FBN1: variants seen among roughly 807,000 people sequenced by gnomAD.
FBN1 encodes fibrillin-1.
A neutral mutation model predicts 365.1 loss-of-function variants in FBN1; 29 were observed. That is an observed-to-expected ratio of 0.08 (90% CI 0.06 to 0.11). The LOEUF (loss-of-function observed/expected upper bound fraction) is 0.11, where lower values mean the gene tolerates loss of function less well. Ranked by LOEUF, FBN1 falls within the 10% of genes least tolerant of loss-of-function variation. FBN1 has a pLI of 1.00. For synonymous variants in FBN1, 1,210 were observed against 1,270.5 expected (o/e 0.95, Z 1.01); for missense variants, 2,476 against 3,703.2 (o/e 0.67, Z 8.60).
chr15:48,434,222 G>C (rs2043046054), intron 54 of FBN1, among the ~76,000 whole-genome samples: 1 of 152,042 alleles, frequency 6.6e-6, no homozygotes, highest in African/African-American at 2.4e-5. Context: ...CCTAGAAATA[G>C]AAAAGAAGAG....
At chr15:48,523,024 G>C (rs2043873078) in intron 9 of FBN1, among the ~76,000 whole-genome samples, 1 of 152,168 alleles carries the variant, frequency 6.6e-6, no homozygotes, top group Non-Finnish European at 1.5e-5. Context: ...CCCGTCAAGA[G>C]GGCAGAGAAA....
intron 63 of FBN1, among the ~76,000 whole-genome samples, chr15:48,416,157 G>T (rs1351366953): frequency 6.6e-6 from 1 of 152,140 alleles, no homozygotes; most frequent in Non-Finnish European, 1.5e-5. Context: ...GGGTTCAAGG[G>T]GGGAGGAAAG....
Position 48,593,265 on chromosome 15 carries a change from A to T in FBN1, c.538+3018T>A, listed in dbSNP as rs533706439. On this transcript the variant is annotated intron_variant, in intron 6 of 65. Coordinates refer to ENST00000316623, the MANE Select transcript of FBN1 (RefSeq NM_000138.5). ...CTCATAGTGGGTCTCTGAGGTAGTT[A>T]TTAATGTATAAAAGTTCCAAGGTCT... 2.0e-5 allele frequency among the ~76,000 whole-genome samples: 3 copies of T among 152,346 alleles called. No homozygotes were observed. The East Asian group carries it at 5.8e-4, about 29-fold the overall frequency.
intron 44 of FBN1, among the ~76,000 whole-genome samples, chr15:48,453,309 C>A (rs201980165): frequency 3.0e-4 from 34 of 113,378 alleles, no homozygotes; most frequent in African/African-American, 4.2e-4. Flanking sequence ...AAAAAACACA[C>A]ACAAAAAAAA....
At chr15:48,571,960 T>C (rs902662060) in intron 6 of FBN1, among the ~76,000 whole-genome samples, 27 of 152,220 alleles carry the variant, frequency 1.8e-4, no homozygotes, top group Admixed American at 6.5e-5. Context: ...CAAAGAAATT[T>C]ACTATGTAAA....
chr15:48,436,898 T>G, intron 53 of FBN1, 63 bp downstream of exon 53: 1 of 1,016,678 alleles, frequency 9.8e-7, no homozygotes, highest in South Asian at 1.3e-5. Context: ...GGCTATACAG[T>G]GAATACTGTA....
chr15:48,572,343 TA>T (rs34552450), intron 6 of FBN1, among the ~76,000 whole-genome samples: 121,881 of 151,934 alleles, frequency 0.8, 51,045 homozygotes, highest in East Asian at 1. Flanking sequence ...CATGTATTAT[TA>T]AATCTCTACC....
intron 2 of FBN1, among the ~76,000 whole-genome samples, chr15:48,616,146 C>T (rs1889648680): frequency 6.6e-6 from 1 of 152,146 alleles, no homozygotes. Flanking sequence ...TTTCATTTCA[C>T]TGTATTTCTT....
At chr15:48,595,400 G>A (rs1417326424) in intron 6 of FBN1, among the ~76,000 whole-genome samples, 1 of 152,112 alleles carries the variant, frequency 6.6e-6, no homozygotes, top group Non-Finnish European at 1.5e-5. Flanking sequence ...ACAGTTTTGT[G>A]TAACATAAAA....
chr15:48,445,767 T>C (rs1443993559), intron 47 of FBN1, among the ~76,000 whole-genome samples: 3 of 152,116 alleles, frequency 2.0e-5, no homozygotes. Flanking sequence ...TTTTCCTTGA[T>C]TTTCCTTTAG....
intron 15 of FBN1, among the ~76,000 whole-genome samples, chr15:48,508,268 A>G (rs1168947614): frequency 6.6e-6 from 1 of 152,208 alleles, no homozygotes; most frequent in Non-Finnish European, 1.5e-5. Context: ...AAGAGGTAGA[A>G]CTCAGCTTCT....
intron 6 of FBN1, among the ~76,000 whole-genome samples, chr15:48,557,696 A>C (rs1190087763): frequency 6.6e-6 from 1 of 152,166 alleles, no homozygotes; most frequent in Non-Finnish European, 1.5e-5. Flanking sequence ...CGATGAGATG[A>C]AGGTTAAAGG....
At chr15:48,572,003 G>A (rs1248758772) in intron 6 of FBN1, among the ~76,000 whole-genome samples, 1 of 152,092 alleles carries the variant, frequency 6.6e-6, no homozygotes, top group Non-Finnish European at 1.5e-5. Flanking sequence ...ATATAGTCAG[G>A]CAAATATTAA....
At chr15:48,611,777 A>G (rs2044658518) in intron 3 of FBN1, among the ~76,000 whole-genome samples, 2 of 152,212 alleles carry the variant, frequency 1.3e-5, no homozygotes. Flanking sequence ...TAAATGGCAT[A>G]TGATTTATAT....
intron 6 of FBN1, among the ~76,000 whole-genome samples, chr15:48,541,265 A>G (rs2044055656): frequency 6.6e-6 from 1 of 152,242 alleles, no homozygotes; most frequent in East Asian, 1.9e-4. Flanking sequence ...AGTATACTAT[A>G]TATTTGGCGA....
chr15:48,423,985 AG>A (rs2042961283), intron 60 of FBN1, among the ~76,000 whole-genome samples: 1 of 152,226 alleles, frequency 6.6e-6, no homozygotes, highest in Admixed American at 6.5e-5. Context: ...CCCAGAGGTT[AG>A]AAAAAATGCT....
At chr15:48,452,229 GA>G (rs541470953) in intron 45 of FBN1, among the ~76,000 whole-genome samples, 151 of 152,286 alleles carry the variant, frequency 9.9e-4, no homozygotes, top group African/African-American at 3.5e-3. Context: ...TTGCTTAGGG[GA>G]ATGTGTGTAT....
intron 49 of FBN1, among the ~76,000 whole-genome samples, chr15:48,442,325 T>G (rs2043122499): frequency 6.6e-6 from 1 of 152,198 alleles, no homozygotes; most frequent in African/African-American, 2.4e-5. Flanking sequence ...CCCAATACCC[T>G]ATGCTATAGC....
In FBN1 at chr15:48,421,959, G is replaced by C; in HGVS notation, c.7563C>G (p.Ser2521=). 1 of 1,607,908 alleles carries C rather than the reference G, an allele frequency of 6.2e-7. No homozygotes were observed. The highest frequency in any genetic ancestry group is 8.5e-7 in the Non-Finnish European group (1 of 1,174,312). Residue 2521 remains serine, a synonymous_variant, in exon 61 of 66, where the codon TCC becomes TCG. Transcript: ENST00000316623. The stretch of plus-strand genomic sequence containing the variant: ...TTTTCCTCTCCTACTCACCAATGCA[G>C]GACGTATGGTGTTGGGTAAATCCGG... ...CPPGFTQHHT[S]CIDNNECTSD...
Sources: gnomAD v4.1 joint callset for allele counts (sites outside exome capture counted in the v4.1 genomes callset) on GRCh38, gnomAD v4.1.1 for gene constraint, MANE v1.5 for transcripts, NCBI Gene and HGNC (gene_info 2026-07-23, HGNC 2026-07-21) for gene names.